SNTG2: variants seen among roughly 807,000 people sequenced by gnomAD.
The protein encoded by SNTG2 is gamma-2-syntrophin.
Under a neutral mutation model 70.9 loss-of-function variants are expected in SNTG2, and 74 were observed. The ratio of observed to expected loss-of-function variants is 1.04; its 90% CI spans 0.86 to 1.27. The LOEUF is 1.27. SNTG2 is among the 50% of genes most tolerant of loss of function. The pLI, the probability that SNTG2 is intolerant of heterozygous loss-of-function variation, is 0.00. For missense variants in SNTG2, 717 were observed against 690.7 expected (o/e 1.04, Z -0.43); for synonymous variants, 278 against 273.8 (o/e 1.02, Z -0.15).
chr2:1,071,229 T>C (rs1461721908), intron 1 of SNTG2, among the ~76,000 whole-genome samples: 1 of 151,478 alleles, frequency 6.6e-6, no homozygotes, highest in African/African-American at 2.4e-5. Flanking sequence ...TTACTCACAA[T>C]AGCAAAGACT....
At chr2:1,359,025 A>T (rs1280103846) in intron 16 of SNTG2, among the ~76,000 whole-genome samples, 1 of 152,138 alleles carries the variant, frequency 6.6e-6, no homozygotes, top group Non-Finnish European at 1.5e-5. Flanking sequence ...GCCTTATCCC[A>T]AATGCTTTGG....
chr2:1,212,235 T>C (rs746887422), intron 9 of SNTG2, among the ~76,000 whole-genome samples: 1 of 152,150 alleles, frequency 6.6e-6, no homozygotes, highest in Non-Finnish European at 1.5e-5. Flanking sequence ...TCCTGATATC[T>C]GGTCATTTAA....
At chr2:1,103,324 A>G in intron 4 of SNTG2, 1 of 251,330 alleles carries the variant, frequency 4.0e-6, no homozygotes, top group Non-Finnish European at 8.4e-6. Flanking sequence ...TATCAATCAC[A>G]AATTTTAATT....
At chr2:1,253,434 G>C (rs1677877161) in intron 12 of SNTG2, among the ~76,000 whole-genome samples, 1 of 152,228 alleles carries the variant, frequency 6.6e-6, no homozygotes, top group Admixed American at 6.5e-5. Flanking sequence ...AGGTGCCAGT[G>C]AGTGTTGCTC....
chr2:952,222 C>T (rs1276065872), intron 1 of SNTG2, among the ~76,000 whole-genome samples: 1 of 152,108 alleles, frequency 6.6e-6, no homozygotes, highest in Non-Finnish European at 1.5e-5. Context: ...AGAAAATATG[C>T]GGGGATTACC....
intron 16 of SNTG2, among the ~76,000 whole-genome samples, chr2:1,338,460 G>T (rs1457210138): frequency 6.6e-6 from 1 of 151,950 alleles, no homozygotes; most frequent in Non-Finnish European, 1.5e-5. Flanking sequence ...ATTGTAAATG[G>T]GATTGTTTTC....
Position 1,311,409 on chromosome 2 carries a change from T to A in SNTG2, c.1377+2823T>A, listed in dbSNP as rs568380245. ...CAACATAAACAATTGTTCCTTGTAG[T>A]TTATTTTAGAATTTGCAATATTTGA... On this transcript the variant is annotated intron_variant, in intron 15 of 16. Transcript: ENST00000308624. Among the ~76,000 whole-genome samples, 3 of 152,360 alleles carry A rather than the reference T, an allele frequency of 2.0e-5. No individual in the cohort carries two copies. The East Asian group carries it at 5.8e-4, about 29-fold the overall frequency.
chr2:1,180,181 CA>C (rs1169698394), intron 8 of SNTG2, among the ~76,000 whole-genome samples: 1 of 122,024 alleles, frequency 8.2e-6, no homozygotes, highest in East Asian at 4.0e-4. Flanking sequence ...TCTAAAACAC[CA>C]AAAGCAATGG....
chr2:1,186,065 C>T (rs1672226883), intron 8 of SNTG2, among the ~76,000 whole-genome samples: 1 of 152,184 alleles, frequency 6.6e-6, no homozygotes, highest in African/African-American at 2.4e-5. Context: ...TGCTTTGCTG[C>T]TCAGAAATTT....
In SNTG2 at chr2:1,353,915, G is replaced by T. The variant is rs2148309981; in HGVS notation, c.1489-13428G>T. 6.6e-6 allele frequency: 1 copy of T among 152,274 alleles called. No homozygotes were observed. Among genetic ancestry groups the T allele is most frequent in the Non-Finnish European group, 1.5e-5 (1 of 68,024 alleles). The allele number at this position is 152,274 out of a possible 1,614,324, so 9.4% of individuals were successfully genotyped here. ...TGAAAGTGTCACTCTGGTGATAGAT[G>T]GGGCATGCCTGCGCGTAAAGAGTGG... is the stretch of plus-strand genomic sequence containing the variant. On this transcript the variant is annotated intron_variant, in intron 16 of 16. Transcript: ENST00000308624. This position sits in a 1 kb window ranked among gnomAD's most constrained non-coding sequence, Gnocchi z 4.2.
intron 4 of SNTG2, among the ~76,000 whole-genome samples, chr2:1,115,911 C>G (rs4971460): frequency 0.59 from 90,331 of 152,180 alleles, 27,606 homozygotes; most frequent in African/African-American, 0.73. Context: ...AAGCCCCATT[C>G]TGCCCTTTTG....
chr2:1,342,255 C>T (rs1052413549), intron 16 of SNTG2, among the ~76,000 whole-genome samples: 22 of 152,336 alleles, frequency 1.4e-4, no homozygotes, highest in Admixed American at 2.0e-4. Context: ...TCTTGAGGGT[C>T]CTACATTTCA....
intron 4 of SNTG2, among the ~76,000 whole-genome samples, chr2:1,115,930 C>T (rs1019195299): frequency 3.9e-5 from 6 of 152,228 alleles, no homozygotes; most frequent in South Asian, 4.1e-4. Context: ...TGAGTGGCCC[C>T]GAGATGGCCC....
At chr2:1,165,365 G>A (rs1670636863) in intron 6 of SNTG2, among the ~76,000 whole-genome samples, 183 bp from the exon 7 acceptor site, 1 of 152,090 alleles carries the variant, frequency 6.6e-6, no homozygotes, top group Non-Finnish European at 1.5e-5. Context: ...GGGGGTAGGT[G>A]GTCTCGGAGG....
chr2:1,287,044 A>G (rs1362335776), intron 14 of SNTG2, among the ~76,000 whole-genome samples: 1 of 152,060 alleles, frequency 6.6e-6, no homozygotes, highest in Non-Finnish European at 1.5e-5. Context: ...CTCAGAGACA[A>G]AGCTTGCAGA....
chr2:1,316,285 A>C lies in SNTG2; in HGVS notation c.1398A>C (p.Lys466Asn). ...TACAGAATGTGCTCTGGAGATTTAAATTTTCCCAGCTTAAGGGATCTTCAG... is the reference window on the plus strand; with the variant it reads ...TACAGAATGTGCTCTGGAGATTTAACTTTTCCCAGCTTAAGGGATCTTCAG... ...SKTKNVLWRF[K>N]FSQLKGSSDD... Residue 466 changes from lysine (K) to asparagine (N), a missense_variant, in exon 16 of 17, where the codon AAA becomes AAC. By Grantham distance (94) the Lys-to-Asn change is moderately conservative. Transcript: ENST00000308624. 6.5e-7 allele frequency: 1 copy of C among 1,544,876 alleles called. No homozygotes were observed. The highest frequency in any genetic ancestry group is 1.2e-5 in the South Asian group (1 of 83,292).
intron 1 of SNTG2, among the ~76,000 whole-genome samples, chr2:956,016 C>T (rs1165231503): frequency 2.0e-5 from 3 of 147,146 alleles, no homozygotes; most frequent in African/African-American, 7.5e-5. Flanking sequence ...ACCCACTGCC[C>T]TTGTGACTGT....
intron 12 of SNTG2, among the ~76,000 whole-genome samples, chr2:1,251,487 C>T (rs1394823638): frequency 6.8e-6 from 1 of 147,018 alleles, no homozygotes; most frequent in Non-Finnish European, 1.5e-5. Context: ...CATGCACACA[C>T]CACACGCACA....
intron 1 of SNTG2, among the ~76,000 whole-genome samples, chr2:960,562 G>T (rs1230663665): frequency 6.6e-6 from 1 of 151,532 alleles, no homozygotes; most frequent in Non-Finnish European, 1.5e-5. Context: ...CCGGGGCACG[G>T]CTATAGGTTC....
Sources: gnomAD v4.1 joint callset for allele counts (sites outside exome capture counted in the v4.1 genomes callset) on GRCh38, gnomAD v4.1.1 for gene constraint, Gnocchi (gnomAD v3.1) non-coding constraint, MANE v1.5 for transcripts, NCBI Gene and HGNC (gene_info 2026-07-23, HGNC 2026-07-21) for gene names.